SEPTIN10: variants seen among roughly 807,000 people sequenced by gnomAD.
The protein encoded by SEPTIN10 is septin 10, also known as septin-10.
Under a neutral mutation model 54.8 loss-of-function variants are expected in SEPTIN10, and 66 were observed. The observed-to-expected ratio is 1.21, with a 90% CI of 0.99 to 1.48. The LOEUF (loss-of-function observed/expected upper bound fraction) is 1.48, where lower values mean the gene tolerates loss of function less well. Among genes scored for constraint, SEPTIN10 ranks in the 40% most tolerant of loss-of-function variants. The pLI is 0.00. For missense variants in SEPTIN10, 620 were observed against 545.6 expected (o/e 1.14, Z -1.36); for synonymous variants, 161 against 181.0 (o/e 0.89, Z 0.89).
At chr2:109,604,285 A>G (rs1697364129) in intron 1 of SEPTIN10, among the ~76,000 whole-genome samples, 1 of 142,640 alleles carries the variant, frequency 7.0e-6, no homozygotes, top group South Asian at 2.4e-4. Flanking sequence ...CAGAGGTTGC[A>G]GTGGTTGAGA....
Position 109,574,678 on chromosome 2 carries a change from T to C in SEPTIN10, c.503A>G (p.His168Arg), listed in dbSNP as rs1689233306. The C allele has an allele frequency of 6.2e-7, 1 of 1,610,350 alleles. No homozygotes were observed. The highest frequency in any genetic ancestry group is 1.3e-5 in the African/African-American group (1 of 74,832). Reference protein sequence around the residue: ...LKIKRSLFTYHDSRIHVCLYF... With the variant: ...LKIKRSLFTYRDSRIHVCLYF... ...GAGACACACATGGATGCGAGAATCA[T>C]GGTAGGTAAAGAGAGAACGCTTAAT... is the stretch of plus-strand genomic sequence containing the variant. Residue 168 changes from histidine to arginine, a missense_variant, in exon 5 of 11, where the codon CAT becomes CGT. By Grantham distance (29) the His-to-Arg change is conservative. Transcript: ENST00000397712.
intron 1 of SEPTIN10, among the ~76,000 whole-genome samples, chr2:109,606,180 A>G: frequency 6.6e-6 from 1 of 152,074 alleles, no homozygotes; most frequent in East Asian, 1.9e-4. Context: ...ACTTTGGGAG[A>G]CCAAGGAGGG....
chr2:109,582,817 T>C (rs766830889), intron 4 of SEPTIN10, among the ~76,000 whole-genome samples: 1 of 152,128 alleles, frequency 6.6e-6, no homozygotes, highest in African/African-American at 2.4e-5. Flanking sequence ...ATGGTTGTGG[T>C]ATAAAAACAG....
At position 109,553,125 on chromosome 2, in the gene SEPTIN10, T is replaced by C. The variant is rs1683413227; in HGVS notation, c.1123A>G (p.Lys375Glu). The change falls in exon 9 of 11, where the codon AAG (lysine) becomes GAG (glutamate). Residue 375 changes from lysine to glutamate, a missense_variant. Coordinates refer to ENST00000397712, the MANE Select transcript of SEPTIN10 (RefSeq NM_144710.5). The stretch of plus-strand genomic sequence containing the variant: ...TCTTTCAATATGGCTTCTTTCTCCT[T>C]TACTCGCTGCACAAACATCTGTTTC... Reference protein sequence around the residue: ...EMKQMFVQRVKEKEAILKEAE... With the variant: ...EMKQMFVQRVEEKEAILKEAE... 6.2e-7 allele frequency: 1 copy of C among 1,613,634 alleles called. No individual in the cohort carries two copies.
chr2:109,584,821 TGAAAATTA>T (rs1692093774), intron 4 of SEPTIN10, among the ~76,000 whole-genome samples: 1 of 152,194 alleles, frequency 6.6e-6, no homozygotes, highest in South Asian at 2.1e-4. Context: ...AAGCCCTGCC[TGAAAATTA>T]GTATAATTAA....
intron 5 of SEPTIN10, among the ~76,000 whole-genome samples, chr2:109,568,831 T>C (rs1687683917): frequency 6.6e-6 from 1 of 152,122 alleles, no homozygotes; most frequent in South Asian, 2.1e-4. Context: ...CAGACTTACT[T>C]AGACAGCAGA....
At position 109,565,875 on chromosome 2, in the gene SEPTIN10, G is replaced by A. The variant is rs778686257; in HGVS notation, c.763-16C>T. The A allele has an allele frequency of 1.0e-5, 16 of 1,598,728 alleles. No homozygotes were observed. The highest frequency in any genetic ancestry group is 1.7e-4 in the Middle Eastern group (1 of 6,054). On this transcript the variant is annotated splice_polypyrimidine_tract_variant and intron_variant, in intron 6 of 10. Transcript: ENST00000397712. ...GCAACTGTCCCTGAAAAAGAATATC[G>A]AGCACATCTTCTCATACCACTGTGA...
At chr2:109,604,494 A>G (rs545892290) in intron 1 of SEPTIN10, among the ~76,000 whole-genome samples, 102 of 151,232 alleles carry the variant, frequency 6.7e-4, no homozygotes, top group South Asian at 2.5e-3. Flanking sequence ...TGGGAGGCCG[A>G]GGCGGGTGGG....
intron 1 of SEPTIN10, among the ~76,000 whole-genome samples, chr2:109,605,945 A>G (rs1697837471): frequency 6.6e-6 from 1 of 152,238 alleles, no homozygotes; most frequent in Non-Finnish European, 1.5e-5. Context: ...TAGTAGCAAC[A>G]GATGCAAAAT....
intron 4 of SEPTIN10, among the ~76,000 whole-genome samples, chr2:109,577,866 T>C (rs968483767): frequency 6.9e-6 from 1 of 145,604 alleles, no homozygotes; most frequent in African/African-American, 2.6e-5. Context: ...TGAGCCGAGA[T>C]TGCACCACTG....
chr2:109,595,423 C>G (rs938988539), intron 1 of SEPTIN10, among the ~76,000 whole-genome samples: 1 of 152,182 alleles, frequency 6.6e-6, no homozygotes, highest in Non-Finnish European at 1.5e-5. Context: ...CACTTACACC[C>G]TGCCATTCTG....
intron 8 of SEPTIN10, among the ~76,000 whole-genome samples, chr2:109,556,132 A>T (rs1392863242): frequency 2.0e-5 from 3 of 152,316 alleles, no homozygotes; most frequent in South Asian, 4.2e-4. Flanking sequence ...AACCAGCATA[A>T]CCAGCAGAGA....
chr2:109,593,569 C>T (rs1215468347), intron 1 of SEPTIN10, among the ~76,000 whole-genome samples: 1 of 152,026 alleles, frequency 6.6e-6, no homozygotes, highest in African/African-American at 2.4e-5. Context: ...CCATGCCTGG[C>T]TAATTTTTGT....
At chr2:109,559,479 C>G (rs929565180) in intron 8 of SEPTIN10, among the ~76,000 whole-genome samples, 2 of 152,180 alleles carry the variant, frequency 1.3e-5, no homozygotes, top group Non-Finnish European at 2.9e-5. Flanking sequence ...AAGAATCTCC[C>G]TTTCTAATTT....
At chr2:109,568,373 C>CTTTT (rs5833333) in intron 5 of SEPTIN10, among the ~76,000 whole-genome samples, 1 of 129,176 alleles carries the variant, frequency 7.7e-6, no homozygotes, top group Admixed American at 8.3e-5. Flanking sequence ...GCCACACAAT[C>CTTTT]TTTTTTTTTT....
chr2:109,574,558 G>A, intron 5 of SEPTIN10, 23 bp downstream of exon 5: 1 of 1,431,660 alleles, frequency 7.0e-7, no homozygotes, highest in Non-Finnish European at 9.2e-7. Flanking sequence ...AGTATGGTAA[G>A]TTGATTCCTT....
intron 2 of SEPTIN10, among the ~76,000 whole-genome samples, chr2:109,586,929 T>A (rs1239131726): frequency 6.6e-6 from 1 of 152,154 alleles, no homozygotes; most frequent in Non-Finnish European, 1.5e-5. Flanking sequence ...AGTTCAAGAC[T>A]CTGCAGAAGA....
At position 109,550,064 on chromosome 2, in the gene SEPTIN10, G is replaced by A. The variant is rs577814085; in HGVS notation, c.1161+3023C>T. On this transcript the variant is annotated intron_variant, in intron 9 of 10. Transcript: ENST00000397712. ...TTTTTTCTTTGGGAGGCCGAGGCAG[G>A]CGGATAACGTGAGGTCAGGAGTTCG... Among the ~76,000 whole-genome samples the A allele has an allele frequency of 2.6e-5, 4 of 151,962 alleles. No homozygotes were observed. In the South Asian group the frequency reaches 8.3e-4, roughly 32 times the overall value.
chr2:109,595,570 T>C (rs1366044075), intron 1 of SEPTIN10, among the ~76,000 whole-genome samples: 1 of 151,948 alleles, frequency 6.6e-6, no homozygotes, highest in African/African-American at 2.4e-5. Context: ...TAGAGATCAC[T>C]GAAGGCAGGA....
Sources: allele counts gnomAD v4.1 joint callset (sites outside exome capture counted in the v4.1 genomes callset), GRCh38; gene constraint gnomAD v4.1.1; transcripts MANE v1.5; gene names NCBI Gene and HGNC (gene_info 2026-07-23, HGNC 2026-07-21).